The following VANGL2 variants were observed in gnomAD, a reference collection of about 807,000 sequenced individuals.
The protein encoded by VANGL2 is vang-like protein 2.
In VANGL2, 14 loss-of-function variants were observed where a neutral mutation model predicts 50.2. The ratio of observed to expected loss-of-function variants is 0.28; its 90% CI spans 0.18 to 0.44. The LOEUF is 0.44. VANGL2 is among the 20% of genes least tolerant of loss of function. The pLI, the probability that VANGL2 is intolerant of heterozygous loss-of-function variation, is 1.00. For missense variants in VANGL2, 533 were observed against 701.5 expected, an observed-to-expected ratio of 0.76 and a Z score of 2.71; for synonymous variants, 295 against 297.2, an observed-to-expected ratio of 0.99 and a Z score of 0.08.
intron 6 of VANGL2, among the ~76,000 whole-genome samples, chr1:160,421,508 G>A (rs2101969032): frequency 6.6e-6 from 1 of 152,292 alleles, no homozygotes; most frequent in South Asian, 2.1e-4. Context: ...GGAGAATTCA[G>A]TGCCTTGTCA....
At chr1:160,407,850 A>G (rs1650735899) in intron 1 of VANGL2, among the ~76,000 whole-genome samples, 1 of 152,160 alleles carries the variant, frequency 6.6e-6, no homozygotes, top group Admixed American at 6.5e-5. Context: ...CAAGGGAGGA[A>G]GCAGCTCAAA....
Position 160,425,663 on chromosome 1 carries a change from C to T in VANGL2, c.*285C>T, listed in dbSNP as rs1651427798. On this transcript the variant is annotated 3_prime_UTR_variant, in exon 8 of 8. Coordinates refer to ENST00000368061, the MANE Select transcript of VANGL2 (RefSeq NM_020335.3). The stretch of plus-strand genomic sequence containing the variant: ...TGCAGGAATCAGTGCCTCTCTCCCT[C>T]TTCTTTCCCTAGTCTTTTCCCAGAT... 1 of 377,390 alleles carries T rather than the reference C, an allele frequency of 2.6e-6. No individual in the cohort carries two copies. Among genetic ancestry groups the T allele is most frequent in the African/African-American group, 2.0e-5 (1 of 49,260 alleles). 23.4% of individuals were successfully genotyped at this position (377,390 alleles called of 1,614,324 possible). A position where few individuals can be genotyped will look rare whatever the true frequency, so the allele number is the denominator to read the frequency against.
rs778560746 is a variant in VANGL2, at chr1:160,424,306, A to G, written c.1305+23A>G. 1.9e-6 allele frequency: 3 copies of G among 1,608,038 alleles called. No individual in the cohort carries two copies. In the East Asian group the frequency reaches 6.7e-5, roughly 36 times the overall value. On this transcript the variant is annotated intron_variant, in intron 7 of 7. Transcript: ENST00000368061. ...AAGGTAGGCCTGCCCTGCTGCCAGC[A>G]TCCTTCCTCCTTCCCCAGCTCCTCT...
chr1:160,420,395 G>C lies in VANGL2; in HGVS notation c.801-16G>C, dbSNP rs990092680. ...TCTGTCCCTTCTCCCACCCCCTCCT[G>C]CCGTCTCCCCCACAGCATCCAGCGC... is the stretch of plus-strand genomic sequence containing the variant. On this transcript the variant is annotated splice_polypyrimidine_tract_variant and intron_variant, in intron 4 of 7. Coordinates refer to ENST00000368061, the MANE Select transcript of VANGL2 (RefSeq NM_020335.3). The C allele has an allele frequency of 2.5e-6, 4 of 1,613,492 alleles. No individual in the cohort carries two copies. Among genetic ancestry groups the C allele is most frequent in the Non-Finnish European group, 3.4e-6 (4 of 1,179,944 alleles).
At chr1:160,417,379 G>A (rs1255242164) in intron 3 of VANGL2, among the ~76,000 whole-genome samples, 6 of 152,296 alleles carry the variant, frequency 3.9e-5, no homozygotes, top group Non-Finnish European at 8.8e-5. Flanking sequence ...TGGTGGTCTT[G>A]GGACTCCTCC....
chr1:160,403,426 C>G (rs1293438893), intron 1 of VANGL2, among the ~76,000 whole-genome samples: 1 of 152,236 alleles, frequency 6.6e-6, no homozygotes, highest in Non-Finnish European at 1.5e-5. Context: ...CACCCATTGT[C>G]TTGCTCCTGA....
intron 3 of VANGL2, among the ~76,000 whole-genome samples, chr1:160,418,065 C>T (rs1409674277): frequency 2.6e-5 from 4 of 152,132 alleles, no homozygotes; most frequent in Non-Finnish European, 4.4e-5. Context: ...GCATGTGCCA[C>T]CACACCCAGC....
chr1:160,415,102 TG>T (rs1651009528), intron 1 of VANGL2, among the ~76,000 whole-genome samples: 2 of 152,074 alleles, frequency 1.3e-5, no homozygotes, highest in Admixed American at 1.3e-4. Context: ...CCGGTAACAC[TG>T]GGTGTGTTTG....
chr1:160,425,069 C>T (rs771849421), intron 7 of VANGL2, 49 bp from the exon 8 acceptor site: 29 of 1,613,502 alleles, frequency 1.8e-5, no homozygotes, highest in South Asian at 4.4e-5. Flanking sequence ...GATGAAGGAC[C>T]GTGGGTAGAT....
chr1:160,427,585 A>ATTATTATTG lies in VANGL2; in HGVS notation c.*2207_*2208insTTATTATTG, dbSNP rs34548458. 1 of 150,332 alleles carries ATTATTATTG rather than the reference A, an allele frequency of 6.7e-6. No individual in the cohort carries two copies. The highest frequency in any genetic ancestry group is 1.5e-5 in the Non-Finnish European group (1 of 67,586). 9.3% of individuals were successfully genotyped at this position (150,332 alleles called of 1,614,324 possible). A position where few individuals can be genotyped will look rare whatever the true frequency, so the allele number is the denominator to read the frequency against. On this transcript the variant is annotated 3_prime_UTR_variant, in exon 8 of 8. Coordinates refer to ENST00000368061, the MANE Select transcript of VANGL2 (RefSeq NM_020335.3). ...TATTATTATTATTATTATTATTATTACTATTGTTTTTTAAAATGTCAGGAT... is the reference window on the plus strand; with the variant it reads ...TATTATTATTATTATTATTATTATTATTATTATTGCTATTGTTTTTTAAAATGTCAGGAT...
chr1:160,406,791 C>T (rs957218801), intron 1 of VANGL2, among the ~76,000 whole-genome samples: 8 of 151,554 alleles, frequency 5.3e-5, no homozygotes, highest in Non-Finnish European at 1.0e-4. Flanking sequence ...TGCAATGGCG[C>T]GATCTTGGCT....
intron 7 of VANGL2, among the ~76,000 whole-genome samples, chr1:160,424,540 A>G (rs1651386006): frequency 1.3e-5 from 2 of 152,020 alleles, no homozygotes; most frequent in African/African-American, 2.4e-5. Context: ...TCTCATCTCT[A>G]TGAGGGCTCC....
intron 1 of VANGL2, among the ~76,000 whole-genome samples, chr1:160,413,413 G>A (rs1650948781): frequency 6.6e-6 from 1 of 151,852 alleles, no homozygotes. Context: ...CTAAGTAGCT[G>A]GGATTACAGG....
chr1:160,406,928 A>G (rs957213053), intron 1 of VANGL2, among the ~76,000 whole-genome samples: 4 of 151,930 alleles, frequency 2.6e-5, no homozygotes, highest in South Asian at 2.1e-4. Flanking sequence ...GGGTTTCACC[A>G]TGTTGGTCAG....
intron 5 of VANGL2, among the ~76,000 whole-genome samples, 199 bp from the exon 6 acceptor site, chr1:160,420,853 C>T (rs1651246246): frequency 6.6e-6 from 1 of 152,248 alleles, no homozygotes; most frequent in Admixed American, 6.5e-5. Context: ...CTGCAGGACT[C>T]TTGCGCTTCC....
chr1:160,421,279 G>A, intron 6 of VANGL2, 92 bp downstream of exon 6: 8 of 1,524,472 alleles, frequency 5.2e-6, no homozygotes, highest in Non-Finnish European at 7.2e-6. Flanking sequence ...TGGAAATATA[G>A]GGCAATGATG....
In VANGL2 at chr1:160,423,906, G is replaced by A. The variant is rs563570560; in HGVS notation, c.1074-146G>A. ...GTTTACTGTTCCCAGTGGCAGAAAG[G>A]CACTATTGCCTCTGGCTTTGTATTA... On this transcript the variant is annotated intron_variant, in intron 6 of 7. Transcript: ENST00000368061. 9.3e-5 allele frequency: 80 copies of A among 864,046 alleles called. No homozygotes were observed. The East Asian group carries it at 2.0e-3, about 21-fold the overall frequency. 53.5% of individuals were successfully genotyped at this position (864,046 alleles called of 1,614,324 possible).
Position 160,400,643 on chromosome 1 carries a change from C to G in VANGL2, c.-417C>G, listed in dbSNP as rs982958215. 3 of 152,240 alleles carry G rather than the reference C, an allele frequency of 2.0e-5. No individual in the cohort carries two copies. Among genetic ancestry groups the G allele is most frequent in the Admixed American group, 1.3e-4 (2 of 15,280 alleles). 9.4% of individuals were successfully genotyped at this position (152,240 alleles called of 1,614,324 possible). On this transcript the variant is annotated 5_prime_UTR_variant, in exon 1 of 8. Transcript: ENST00000368061. ...CCCGCCATGGGAGCCTGAGCGCCCCCTATTCCCCCCTGGCCCCCAGCCCCC... is the reference window on the plus strand; with the variant it reads ...CCCGCCATGGGAGCCTGAGCGCCCCGTATTCCCCCCTGGCCCCCAGCCCCC...
At chr1:160,424,627 C>G (rs369066977) in intron 7 of VANGL2, among the ~76,000 whole-genome samples, 1 of 152,188 alleles carries the variant, frequency 6.6e-6, no homozygotes, top group African/African-American at 2.4e-5. Context: ...GGCTTTGTGT[C>G]ATTTTGAGCC....
Sources: gnomAD v4.1 joint callset for allele counts (sites outside exome capture counted in the v4.1 genomes callset) on GRCh38, gnomAD v4.1.1 for gene constraint, MANE v1.5 for transcripts, NCBI Gene and HGNC (gene_info 2026-07-23, HGNC 2026-07-21) for gene names.